Variants in CUX2 observed in about 807,000 individuals in gnomAD.
CUX2 encodes homeobox protein cut-like 2.
A neutral mutation model predicts 144.8 loss-of-function variants in CUX2; 40 were observed. That is an observed-to-expected ratio of 0.28 (90% CI 0.21 to 0.36). The LOEUF (loss-of-function observed/expected upper bound fraction) is 0.36. CUX2 is among the 10% of genes least tolerant of loss of function. CUX2 has a pLI of 1.00. For missense variants in CUX2, 1,615 were observed against 1,994.0 expected (o/e 0.81, Z 3.62); for synonymous variants, 827 against 875.6 (o/e 0.94, Z 0.98).
At chr12:111,070,366 C>G (rs952941631) in intron 1 of CUX2, among the ~76,000 whole-genome samples, 24 of 149,152 alleles carry the variant, frequency 1.6e-4, no homozygotes, top group African/African-American at 6.0e-4. Context: ...CTCTCCCTCC[C>G]TCCCTCCCTT....
intron 3 of CUX2, among the ~76,000 whole-genome samples, chr12:111,258,250 C>T (rs1883935103): frequency 1.3e-5 from 2 of 152,322 alleles, no homozygotes; most frequent in Admixed American, 6.5e-5. Flanking sequence ...CGGTGGCTCA[C>T]GCGTGTAATC....
chr12:111,189,263 C>A (rs559206420), intron 1 of CUX2, among the ~76,000 whole-genome samples: 3 of 152,254 alleles, frequency 2.0e-5, no homozygotes, highest in South Asian at 2.1e-4. Flanking sequence ...CAGAATGAGA[C>A]CCTGTCTCAA....
At chr12:111,181,026 G>A (rs1005875578) in intron 1 of CUX2, among the ~76,000 whole-genome samples, 19 of 152,176 alleles carry the variant, frequency 1.2e-4, no homozygotes, top group Non-Finnish European at 1.0e-4. Flanking sequence ...TATCGACTGC[G>A]CCGGAATAGT....
intron 1 of CUX2, among the ~76,000 whole-genome samples, chr12:111,181,156 G>C (rs891538610): frequency 6.6e-6 from 1 of 152,248 alleles, no homozygotes; most frequent in Non-Finnish European, 1.5e-5. Context: ...GCCGCCTTTG[G>C]GGTGGTCTGT....
chr12:111,300,614 A>T (rs141552166), intron 9 of CUX2, among the ~76,000 whole-genome samples: 171 of 152,334 alleles, frequency 1.1e-3, no homozygotes, highest in African/African-American at 3.8e-3. Context: ...ATAAAGAGTC[A>T]GAGAGTAAAT....
chr12:111,196,588 T>TG (rs1880255844), intron 1 of CUX2, among the ~76,000 whole-genome samples: 1 of 152,020 alleles, frequency 6.6e-6, no homozygotes, highest in Non-Finnish European at 1.5e-5. Flanking sequence ...GAATGGCAGG[T>TG]GGGGGGCATA....
chr12:111,171,294 G>A lies in CUX2; in HGVS notation c.64-42906G>A, dbSNP rs537108218. On this transcript the variant is annotated intron_variant, in intron 1 of 21. Coordinates refer to ENST00000261726, the MANE Select transcript of CUX2 (RefSeq NM_015267.4). This position sits in a 1 kb window ranked among gnomAD's most constrained non-coding sequence, Gnocchi z 5.0. ...CCGATCTGCAGGTCATCAGTTTGCA[G>A]TGATTTTGCCAGTGAACACCTGAGC... 6.6e-6 allele frequency among the ~76,000 whole-genome samples: 1 copy of A among 152,316 alleles called. No homozygotes were observed. The highest frequency in any genetic ancestry group is 6.5e-5 in the Admixed American group (1 of 15,304).
chr12:111,045,544 T>C (rs1869955741), intron 1 of CUX2, among the ~76,000 whole-genome samples: 1 of 152,228 alleles, frequency 6.6e-6, no homozygotes, highest in Admixed American at 6.5e-5. Context: ...GGGCTGGGCA[T>C]GTTGTGAGCC....
At chr12:111,323,136 G>A (rs3893051) in intron 18 of CUX2, among the ~76,000 whole-genome samples, 8,168 of 152,236 alleles carry the variant, frequency 0.054, 600 homozygotes, top group African/African-American at 0.16. Flanking sequence ...GGGGACCAGC[G>A]GATAAGTCTG....
chr12:111,083,944 A>C (rs1441436312), intron 1 of CUX2, among the ~76,000 whole-genome samples: 1 of 152,138 alleles, frequency 6.6e-6, no homozygotes, highest in Non-Finnish European at 1.5e-5. Flanking sequence ...AAGGGCAGTG[A>C]GAGTAGAGAG....
chr12:111,152,854 G>A (rs1592944358), intron 1 of CUX2, among the ~76,000 whole-genome samples: 1 of 152,310 alleles, frequency 6.6e-6, no homozygotes, highest in Non-Finnish European at 1.5e-5. Flanking sequence ...TCTAGATGGG[G>A]CCTGTGAGGC....
rs73413548 is a variant in CUX2, at chr12:111,090,874, T to C, written c.63+56634T>C. Among the ~76,000 whole-genome samples, 284 of 152,186 alleles carry C rather than the reference T, an allele frequency of 1.9e-3. 1 individual carries two copies. The highest frequency in any genetic ancestry group is 6.4e-3 in the African/African-American group (265 of 41,512). ...ACCAGTTTGAGGTCTCCTTCTCATC[T>C]CAGGAGAGGCACTGAGAAACAATGC... On this transcript the variant is annotated intron_variant, in intron 1 of 21. Transcript: ENST00000261726.
At chr12:111,181,361 C>T (rs2136181266) in intron 1 of CUX2, among the ~76,000 whole-genome samples, 1 of 152,346 alleles carries the variant, frequency 6.6e-6, no homozygotes, top group East Asian at 1.9e-4. Flanking sequence ...TTTGATGAAA[C>T]CCATGAAAAG....
intron 1 of CUX2, among the ~76,000 whole-genome samples, chr12:111,139,724 G>A (rs909070825): frequency 1.3e-4 from 20 of 152,170 alleles, no homozygotes; most frequent in South Asian, 6.2e-4. Context: ...CAGTTCATCC[G>A]TTCCTTCCAT....
rs1455261813 is a variant in CUX2, at chr12:111,169,420, C to CGTCCGTAG, written c.64-44778_64-44771dup. 3.3e-5 allele frequency among the ~76,000 whole-genome samples: 5 copies of CGTCCGTAG among 152,150 alleles called. No homozygotes were observed. In the East Asian group the frequency reaches 7.7e-4, roughly 23 times the overall value. ...CCTAGTTGGTGGTAATTCATCACAGCGTCCGTAGGAACAGAACCCCCTTTC... is the reference window on the plus strand; with the variant it reads ...CCTAGTTGGTGGTAATTCATCACAGCGTCCGTAGGTCCGTAGGAACAGAACCCCCTTTC... On this transcript the variant is annotated intron_variant, in intron 1 of 21. Coordinates refer to ENST00000261726, the MANE Select transcript of CUX2 (RefSeq NM_015267.4).
intron 9 of CUX2, among the ~76,000 whole-genome samples, chr12:111,302,789 A>G (rs1886354546): frequency 6.6e-6 from 1 of 151,688 alleles, no homozygotes; most frequent in Admixed American, 6.6e-5. Flanking sequence ...AATCCCAGCT[A>G]CTCAGGAGGC....
chr12:111,150,100 A>G (rs1876940286), intron 1 of CUX2, among the ~76,000 whole-genome samples: 1 of 152,202 alleles, frequency 6.6e-6, no homozygotes, highest in African/African-American at 2.4e-5. Flanking sequence ...TGCAGACCAG[A>G]GTGTTCCAAA....
At position 111,307,080 on chromosome 12, in the gene CUX2, C is replaced by A. The variant is rs753121061; in HGVS notation, c.1018C>A (p.Arg340=). The A allele has an allele frequency of 8.1e-6, 13 of 1,612,634 alleles. No individual in the cohort carries two copies. Among genetic ancestry groups the A allele is most frequent in the Non-Finnish European group, 1.1e-5 (13 of 1,179,086 alleles). ...ASANQIADLE[R]QLTAKSEAIE... is the part of the protein sequence containing the mutation. Reference sequence around the variant, plus strand: ...CGCCAACCAGATCGCCGACCTGGAGCGGCAGCTCACGGCCAAGTCCGAGGC... The same window carrying A: ...CGCCAACCAGATCGCCGACCTGGAGAGGCAGCTCACGGCCAAGTCCGAGGC... The change falls in exon 11 of 22, where the codon CGG becomes AGG. Residue 340 remains arginine, a synonymous_variant. Transcript: ENST00000261726. The surrounding 1 kb of genome is among the most constrained non-coding windows in gnomAD (Gnocchi z 4.1).
chr12:111,073,325 G>A (rs1318750512), intron 1 of CUX2, among the ~76,000 whole-genome samples: 1 of 152,036 alleles, frequency 6.6e-6, no homozygotes, highest in Non-Finnish European at 1.5e-5. Context: ...CCTGTGTTGT[G>A]CGGCATTACA....
Sources: gnomAD v4.1 joint callset for allele counts (sites outside exome capture counted in the v4.1 genomes callset) on GRCh38, gnomAD v4.1.1 for gene constraint, Gnocchi (gnomAD v3.1) non-coding constraint, MANE v1.5 for transcripts, NCBI Gene and HGNC (gene_info 2026-07-23, HGNC 2026-07-21) for gene names.